USH2A: variants seen among roughly 807,000 people sequenced by gnomAD.
USH2A encodes Usher syndrome 2A (autosomal recessive, mild).
In USH2A, 443 loss-of-function variants were observed where a neutral mutation model predicts 538.9. The observed-to-expected ratio is 0.82, with a 90% CI of 0.76 to 0.89. The LOEUF is 0.89. Among genes scored for constraint, USH2A ranks in the 40% least tolerant of loss-of-function variants. The pLI, the probability that USH2A is intolerant of heterozygous loss-of-function variation, is 0.00. For synonymous variants in USH2A, 2,413 were observed against 2,273.5 expected, an observed-to-expected ratio of 1.06 and a Z score of -1.75; for missense variants, 6,633 against 6,324.8, an observed-to-expected ratio of 1.05 and a Z score of -1.65.
chr1:216,138,370 C>T (rs192972180), intron 21 of USH2A, among the ~76,000 whole-genome samples: 45 of 152,190 alleles, frequency 3.0e-4, no homozygotes, highest in South Asian at 6.2e-4. Flanking sequence ...AAAAGTAAAA[C>T]AAAAATCTGT....
intron 32 of USH2A, among the ~76,000 whole-genome samples, chr1:216,029,228 A>G (rs1669036089): frequency 1.3e-5 from 2 of 152,082 alleles, no homozygotes; most frequent in African/African-American, 4.8e-5. Context: ...TTTAGCAATT[A>G]TTGAATTTAT....
chr1:216,286,723 CTAAATAAA>C (rs145969783), intron 11 of USH2A, among the ~76,000 whole-genome samples: 2 of 151,000 alleles, frequency 1.3e-5, no homozygotes, highest in Non-Finnish European at 2.9e-5. Context: ...GACTCTGTCT[CTAAATAAA>C]TAAATAAATA....
intron 58 of USH2A, among the ~76,000 whole-genome samples, chr1:215,745,524 A>G (rs1228730495): frequency 6.6e-6 from 1 of 152,208 alleles, no homozygotes. Flanking sequence ...GTTTTCTCCA[A>G]TGTGGTTCCA....
intron 27 of USH2A, among the ~76,000 whole-genome samples, chr1:216,074,859 T>C (rs1031625156): frequency 2.0e-5 from 3 of 152,168 alleles, no homozygotes; most frequent in African/African-American, 7.2e-5. Flanking sequence ...TTATAAGAAA[T>C]GCTACATTAT....
At chr1:215,951,519 A>T (rs1287428205) in intron 37 of USH2A, among the ~76,000 whole-genome samples, 1 of 152,142 alleles carries the variant, frequency 6.6e-6, no homozygotes, top group African/African-American at 2.4e-5. Context: ...GCTGAAGAGG[A>T]TGTATATTCT....
Position 216,195,889 on chromosome 1 carries a change from T to C in USH2A, c.4251+664A>G, listed in dbSNP as rs540874407. 1.8e-5 allele frequency: 3 copies of C among 167,400 alleles called. No homozygotes were observed. The South Asian group carries it at 6.2e-4, about 35-fold the overall frequency. 10.4% of individuals were successfully genotyped at this position (167,400 alleles called of 1,614,324 possible). A position where few individuals can be genotyped will look rare whatever the true frequency, so the allele number is the denominator to read the frequency against. On this transcript the variant is annotated intron_variant, in intron 19 of 71. Transcript: ENST00000307340. ...AGGTATATCAGCCACAACTGTAAAC[T>C]GGAGAGAACAAGAGCCTCCTATCCT...
At chr1:216,061,744 T>C (rs1436208319) in intron 30 of USH2A, among the ~76,000 whole-genome samples, 1 of 152,194 alleles carries the variant, frequency 6.6e-6, no homozygotes, top group Non-Finnish European at 1.5e-5. Flanking sequence ...ACCAAAGTTT[T>C]ATAAATACCT....
intron 32 of USH2A, among the ~76,000 whole-genome samples, chr1:216,005,504 T>A (rs1668370809): frequency 6.6e-6 from 1 of 152,158 alleles, no homozygotes; most frequent in African/African-American, 2.4e-5. Context: ...ACTCGCATAA[T>A]TTTACTTGTT....
rs372347027 is a variant in USH2A at position 215,867,179 on chromosome 1, T to C, written c.8682-9A>G. ...ATTCATAGGTTGTAAACCTAAAATGTTGTTTTGTTAAAAAAAGTATATGAA... is the reference window on the plus strand; with the variant it reads ...ATTCATAGGTTGTAAACCTAAAATGCTGTTTTGTTAAAAAAAGTATATGAA... On this transcript the variant is annotated splice_polypyrimidine_tract_variant and intron_variant, in intron 43 of 71. Coordinates refer to ENST00000307340, the MANE Select transcript of USH2A (RefSeq NM_206933.4). 2.9e-5 allele frequency: 47 copies of C among 1,613,328 alleles called. No homozygotes were observed. Among genetic ancestry groups the C allele is most frequent in the Non-Finnish European group, 2.8e-5 (33 of 1,179,606 alleles).
At chr1:215,812,073 C>T (rs1182647647) in intron 49 of USH2A, among the ~76,000 whole-genome samples, 2 of 145,888 alleles carry the variant, frequency 1.4e-5, no homozygotes, top group Non-Finnish European at 3.0e-5. Flanking sequence ...CAACCTCTGC[C>T]TCCCAGATTC....
At chr1:215,727,993 TA>T in intron 61 of USH2A, 36 bp downstream of exon 61, 1 of 1,598,622 alleles carries the variant, frequency 6.3e-7, no homozygotes, top group Non-Finnish European at 8.6e-7. Flanking sequence ...ATTCACCAGA[TA>T]ATCTGCATGT....
chr1:216,199,609 T>C lies in USH2A; in HGVS notation c.3811+18A>G, dbSNP rs1401367787. 6.2e-7 allele frequency: 1 copy of C among 1,613,592 alleles called. No individual in the cohort carries two copies. The highest frequency in any genetic ancestry group is 2.2e-5 in the East Asian group (1 of 44,868). On this transcript the variant is annotated intron_variant, in intron 17 of 71. Coordinates refer to ENST00000307340, the MANE Select transcript of USH2A (RefSeq NM_206933.4). ...CATGTCTTGACCAAAAAGGGGAATC[T>C]CAGCCTTGGATTCTTACCATTTAGT...
chr1:215,841,320 C>A (rs1219396159), intron 46 of USH2A, among the ~76,000 whole-genome samples: 1 of 152,120 alleles, frequency 6.6e-6, no homozygotes, highest in Non-Finnish European at 1.5e-5. Flanking sequence ...GTAACCAAAA[C>A]AGCATGGTAC....
At chr1:216,071,930 T>C (rs2031570769) in intron 29 of USH2A, among the ~76,000 whole-genome samples, 1 of 152,192 alleles carries the variant, frequency 6.6e-6, no homozygotes, top group South Asian at 2.1e-4. Context: ...AGTTGTCCTC[T>C]TCTGGAAAAT....
At chr1:216,347,397 T>A (rs1436991865) in intron 4 of USH2A, among the ~76,000 whole-genome samples, 1 of 152,122 alleles carries the variant, frequency 6.6e-6, no homozygotes, top group East Asian at 1.9e-4. Context: ...ATCCAGTGTT[T>A]TAAACCTTTA....
chr1:215,954,868 C>T (rs1369135033), intron 37 of USH2A, among the ~76,000 whole-genome samples: 1 of 152,062 alleles, frequency 6.6e-6, no homozygotes, highest in Non-Finnish European at 1.5e-5. Flanking sequence ...TTCTTCACTC[C>T]CTAGCCTAGC....
intron 48 of USH2A, among the ~76,000 whole-genome samples, chr1:215,815,375 C>T (rs1662828875): frequency 6.7e-6 from 1 of 150,266 alleles, no homozygotes; most frequent in Non-Finnish European, 1.5e-5. Flanking sequence ...CATCAATTTA[C>T]ATTTATTTTC....
rs759963430 is a variant in USH2A, at chr1:216,070,148, C to T, written c.6002G>A (p.Arg2001His). 24 of 1,613,836 alleles carry T rather than the reference C, an allele frequency of 1.5e-5. No homozygotes were observed. The highest frequency in any genetic ancestry group is 3.3e-5 in the Admixed American group (2 of 59,982). Residue 2001 changes from arginine to histidine, a missense_variant, in exon 30 of 72, where the codon CGC (arginine) becomes CAC (histidine). Coordinates refer to ENST00000307340, the MANE Select transcript of USH2A (RefSeq NM_206933.4). ...AAATTCAGCACTGGCAGAGGGCATG[C>T]GGGGTGGACGGGTGCTGTCCTCACT... ...AYSEDSTRPP[R>H]MPSASAEFVN...
intron 9 of USH2A, among the ~76,000 whole-genome samples, chr1:216,301,415 T>C (rs1489488203): frequency 6.6e-6 from 1 of 152,164 alleles, no homozygotes; most frequent in Non-Finnish European, 1.5e-5. Flanking sequence ...CCCTAGAACA[T>C]AGTAGGTACT....
Sources: allele counts gnomAD v4.1 joint callset (sites outside exome capture counted in the v4.1 genomes callset), GRCh38; gene constraint gnomAD v4.1.1; transcripts MANE v1.5; gene names NCBI Gene and HGNC (gene_info 2026-07-23, HGNC 2026-07-21).